SDK1: variants seen among roughly 807,000 people sequenced by gnomAD.
The protein encoded by SDK1 is sidekick cell adhesion molecule 1, also known as protein sidekick-1.
Under a neutral mutation model 245.5 loss-of-function variants are expected in SDK1, and 157 were observed. That is an observed-to-expected ratio of 0.64 (90% CI 0.56 to 0.73). The LOEUF is 0.73. Ranked by LOEUF, SDK1 falls within the 30% of genes least tolerant of loss-of-function variation. The probability of loss-of-function intolerance (pLI) is 0.00; values close to 1 mark genes in which losing one functional copy is unlikely to be tolerated. For missense variants in SDK1, 3,583 were observed against 3,002.3 expected (o/e 1.19, Z -4.52); for synonymous variants, 1,647 against 1,278.5 (o/e 1.29, Z -6.15).
At chr7:3,541,982 C>G (rs75147768) in intron 1 of SDK1, among the ~76,000 whole-genome samples, 9,573 of 152,298 alleles carry the variant, frequency 0.063, 431 homozygotes, top group African/African-American at 0.13. Context: ...TGCAGCACAT[C>G]AACATGGCAC....
chr7:3,476,720 G>T (rs930833727), intron 1 of SDK1, among the ~76,000 whole-genome samples: 1 of 152,070 alleles, frequency 6.6e-6, no homozygotes, highest in Non-Finnish European at 1.5e-5. Context: ...TTTTTCCTCT[G>T]TAACCGTTCA....
intron 4 of SDK1, among the ~76,000 whole-genome samples, chr7:3,731,402 A>G (rs566799042): frequency 6.6e-6 from 1 of 152,304 alleles, no homozygotes; most frequent in African/African-American, 2.4e-5. Flanking sequence ...CACTGTCACA[A>G]TGTGGAGCCA....
chr7:3,996,565 C>CT (rs1784711226), intron 14 of SDK1, among the ~76,000 whole-genome samples: 1 of 152,134 alleles, frequency 6.6e-6, no homozygotes, highest in African/African-American at 2.4e-5. Flanking sequence ...AGGCTGTATA[C>CT]TTTTTTGTCA....
chr7:3,460,693 G>A (rs745459665), intron 1 of SDK1, among the ~76,000 whole-genome samples: 3 of 152,090 alleles, frequency 2.0e-5, no homozygotes, highest in Non-Finnish European at 4.4e-5. Context: ...TGTGTGTGGT[G>A]TCAAGTGGCT....
At position 4,267,467 on chromosome 7, in the gene SDK1, A is replaced by G. The variant is rs924931635; in HGVS notation, c.*2083A>G. ...CACAGTTCCCCGGATGAGACTCACCACAGTGGACAGTGCCACCTCCTTCCC... is the reference window on the plus strand; with the variant it reads ...CACAGTTCCCCGGATGAGACTCACCGCAGTGGACAGTGCCACCTCCTTCCC... On this transcript the variant is annotated 3_prime_UTR_variant, in exon 45 of 45. Coordinates refer to ENST00000404826, the MANE Select transcript of SDK1 (RefSeq NM_152744.4). The G allele has an allele frequency of 2.0e-6, 2 of 985,316 alleles. No individual in the cohort carries two copies. The highest frequency in any genetic ancestry group is 6.1e-5 in the Admixed American group (1 of 16,264). The allele number at this position is 985,316 out of a possible 1,614,324, so 61.0% of individuals were successfully genotyped here. A position where few individuals can be genotyped will look rare whatever the true frequency, so the allele number is the denominator to read the frequency against.
intron 1 of SDK1, among the ~76,000 whole-genome samples, chr7:3,560,952 C>G (rs1431297697): frequency 6.6e-6 from 1 of 152,190 alleles, no homozygotes; most frequent in East Asian, 1.9e-4. Context: ...TTCATTCCAC[C>G]TACAATTTCG....
intron 5 of SDK1, among the ~76,000 whole-genome samples, chr7:3,865,853 A>G (rs957144124): frequency 3.3e-5 from 5 of 152,084 alleles, no homozygotes; most frequent in Non-Finnish European, 7.3e-5. Context: ...ATAACCCAAG[A>G]TCACTAGCAC....
chr7:3,761,932 T>C lies in SDK1; in HGVS notation c.714-59518T>C, dbSNP rs557702706. On this transcript the variant is annotated intron_variant, in intron 4 of 44. Coordinates refer to ENST00000404826, the MANE Select transcript of SDK1 (RefSeq NM_152744.4). ...TGTTAAATCCAGCCTTAGGCAAGAATAAGCAAATATTGTTTCCATATGACA... is the reference window on the plus strand; with the variant it reads ...TGTTAAATCCAGCCTTAGGCAAGAACAAGCAAATATTGTTTCCATATGACA... 3.3e-4 allele frequency among the ~76,000 whole-genome samples: 50 copies of C among 152,296 alleles called. 1 individual carries two copies. In the South Asian group the frequency reaches 9.7e-3, roughly 30 times the overall value.
chr7:4,203,380 A>G (rs1364414584), intron 35 of SDK1, among the ~76,000 whole-genome samples: 1 of 152,184 alleles, frequency 6.6e-6, no homozygotes, highest in Admixed American at 6.5e-5. Flanking sequence ...CAGCTCTGCG[A>G]TGGCATCGTA....
At chr7:4,252,278 A>G (rs1437228299) in intron 44 of SDK1, among the ~76,000 whole-genome samples, 3 of 148,616 alleles carry the variant, frequency 2.0e-5, no homozygotes, top group Admixed American at 6.8e-5. Flanking sequence ...TCATTGTTCA[A>G]TTCCCACCTA....
intron 1 of SDK1, among the ~76,000 whole-genome samples, chr7:3,466,680 C>T (rs1410191612): frequency 1.3e-5 from 2 of 151,236 alleles, no homozygotes; most frequent in Non-Finnish European, 2.9e-5. Flanking sequence ...ATAACTGGCT[C>T]CCTTCTTTTG....
At chr7:3,873,147 A>G (rs894894374) in intron 5 of SDK1, among the ~76,000 whole-genome samples, 20 of 152,072 alleles carry the variant, frequency 1.3e-4, no homozygotes, top group African/African-American at 4.6e-4. Flanking sequence ...AGTAAATTCC[A>G]TGAGATTTGT....
At chr7:3,917,928 T>C (rs1276676563) in intron 5 of SDK1, among the ~76,000 whole-genome samples, 2 of 152,198 alleles carry the variant, frequency 1.3e-5, no homozygotes, top group African/African-American at 4.8e-5. Context: ...CTCAGGGATT[T>C]TGATCAAACC....
chr7:3,538,300 G>C (rs1778951212), intron 1 of SDK1, among the ~76,000 whole-genome samples: 1 of 152,000 alleles, frequency 6.6e-6, no homozygotes. Context: ...TCCGCATTTT[G>C]TCTTTTCTTG....
At position 3,538,062 on chromosome 7, in the gene SDK1, G is replaced by T. The variant is rs191976789; in HGVS notation, c.299-81018G>T. ...AGTCTTTCTTATTTTGGCTCTCCTG[G>T]GTGGGAAGACATGACAGACCACGTG... On this transcript the variant is annotated intron_variant, in intron 1 of 44. Coordinates refer to ENST00000404826, the MANE Select transcript of SDK1 (RefSeq NM_152744.4). 1.6e-3 allele frequency among the ~76,000 whole-genome samples: 250 copies of T among 152,196 alleles called. 1 individual carries two copies. Among genetic ancestry groups the T allele is most frequent in the African/African-American group, 6.0e-3 (247 of 41,500 alleles).
At chr7:3,596,368 G>C in intron 1 of SDK1, among the ~76,000 whole-genome samples, 1 of 152,228 alleles carries the variant, frequency 6.6e-6, no homozygotes, top group East Asian at 1.9e-4. Flanking sequence ...CACAGTCATT[G>C]TGGTAAAGTT....
intron 1 of SDK1, among the ~76,000 whole-genome samples, chr7:3,464,680 C>T (rs1056835323): frequency 6.8e-6 from 1 of 147,114 alleles, no homozygotes; most frequent in African/African-American, 2.6e-5. Flanking sequence ...ACATTATTCC[C>T]GTTCATTGTG....
intron 4 of SDK1, among the ~76,000 whole-genome samples, chr7:3,652,222 A>G (rs900620528): frequency 6.6e-6 from 1 of 152,232 alleles, no homozygotes; most frequent in Non-Finnish European, 1.5e-5. Context: ...CACGAAGTCA[A>G]GAGAGCTGGT....
intron 30 of SDK1, among the ~76,000 whole-genome samples, chr7:4,155,963 A>T (rs892280764): frequency 1.3e-5 from 2 of 152,206 alleles, no homozygotes; most frequent in Non-Finnish European, 2.9e-5. Context: ...CCATCTGAGC[A>T]GATACTTGCA....
Sources: gnomAD v4.1 joint callset for allele counts (sites outside exome capture counted in the v4.1 genomes callset) on GRCh38, gnomAD v4.1.1 for gene constraint, MANE v1.5 for transcripts, NCBI Gene and HGNC (gene_info 2026-07-23, HGNC 2026-07-21) for gene names.